The following USP10 variants were observed in gnomAD, a reference collection of about 807,000 sequenced individuals.
The protein encoded by USP10 is ubiquitin carboxyl-terminal hydrolase 10.
Under a neutral mutation model 84.5 loss-of-function variants are expected in USP10, and 22 were observed. That is an observed-to-expected ratio of 0.26 (90% CI 0.19 to 0.37). The LOEUF (loss-of-function observed/expected upper bound fraction) is 0.37. USP10 is among the 10% of genes least tolerant of loss of function. The pLI is 1.00. For synonymous variants in USP10, 454 were observed against 387.6 expected (o/e 1.17, Z -2.01); for missense variants, 1,019 against 998.9 (o/e 1.02, Z -0.27).
intron 10 of USP10, among the ~76,000 whole-genome samples, chr16:84,767,547 G>A (rs923540286): frequency 6.6e-6 from 1 of 152,032 alleles, no homozygotes; most frequent in Admixed American, 6.6e-5. Flanking sequence ...TATTTTATTA[G>A]AACAGGCTAT....
chr16:84,757,657 G>C (rs1396954301), intron 4 of USP10, among the ~76,000 whole-genome samples: 1 of 151,782 alleles, frequency 6.6e-6, no homozygotes, highest in East Asian at 1.9e-4. Context: ...TTTGATTTTT[G>C]TTGGTACATA....
chr16:84,730,841 A>C (rs1367254036), intron 1 of USP10, among the ~76,000 whole-genome samples: 2 of 152,346 alleles, frequency 1.3e-5, no homozygotes, highest in South Asian at 2.1e-4. Flanking sequence ...AAACCTTCCT[A>C]AAGAAAATAC....
chr16:84,718,769 A>G (rs897007290), intron 1 of USP10, among the ~76,000 whole-genome samples: 25 of 151,962 alleles, frequency 1.6e-4, no homozygotes, highest in Middle Eastern at 3.4e-3. Flanking sequence ...AAAACAAAAA[A>G]AAAGTTTTTC....
intron 13 of USP10, 21 bp from the exon 14 acceptor site, chr16:84,778,874 G>T: frequency 6.2e-7 from 1 of 1,606,990 alleles, no homozygotes; most frequent in Non-Finnish European, 8.5e-7. Context: ...TCACTCTGCT[G>T]CCTGCTGGGC....
chr16:84,759,920 T>C lies in USP10; in HGVS notation c.1424T>C (p.Met475Thr), dbSNP rs764185302. The C allele has an allele frequency of 6.8e-6, 11 of 1,613,904 alleles. No individual in the cohort carries two copies. The highest frequency in any genetic ancestry group is 6.7e-5 in the East Asian group (3 of 44,894). Residue 475 changes from methionine to threonine, a missense_variant, in exon 7 of 14, where the codon ATG (methionine) becomes ACG (threonine). By Grantham distance (81) the Met-to-Thr change is moderately conservative (BLOSUM62 -1). This residue lies in a region of USP10 where 787 missense variants were observed against 708.8 expected (regional missense o/e 1.11). Coordinates refer to ENST00000219473, the MANE Select transcript of USP10 (RefSeq NM_005153.3). Reference sequence around the variant, plus strand: ...CGGCTAATGAATGAGTTCACTAATATGCCAGTACCTCCAAAACCCCGACAA... The same window carrying C: ...CGGCTAATGAATGAGTTCACTAATACGCCAGTACCTCCAAAACCCCGACAA... ...FVRLMNEFTN[M>T]PVPPKPRQAL...
intron 1 of USP10, chr16:84,732,507 C>T (rs1308831785): frequency 1.0e-5 from 4 of 382,444 alleles, no homozygotes; most frequent in Non-Finnish European, 1.5e-5. Context: ...GGTGCGGTGG[C>T]GCGATCTCAG....
intron 1 of USP10, among the ~76,000 whole-genome samples, chr16:84,717,678 G>A (rs1907225296): frequency 6.6e-6 from 1 of 152,230 alleles, no homozygotes; most frequent in African/African-American, 2.4e-5. Flanking sequence ...AGTCATCAGG[G>A]CCTGTGCTGG....
At chr16:84,702,628 T>TA (rs1905030201) in intron 1 of USP10, among the ~76,000 whole-genome samples, 1 of 152,204 alleles carries the variant, frequency 6.6e-6, no homozygotes, top group African/African-American at 2.4e-5. Flanking sequence ...TTGAAGGTCT[T>TA]ATTTTAAAAT....
intron 1 of USP10, among the ~76,000 whole-genome samples, chr16:84,722,073 CAG>C (rs958679188): frequency 2.0e-5 from 3 of 152,228 alleles, no homozygotes; most frequent in African/African-American, 7.2e-5. Context: ...TTCCATTGCT[CAG>C]AGAGTTTCTT....
At chr16:84,737,462 CTGA>C (rs1320442107) in intron 2 of USP10, among the ~76,000 whole-genome samples, 7 of 152,326 alleles carry the variant, frequency 4.6e-5, no homozygotes, top group South Asian at 2.1e-4. Context: ...CTAAGTGCAT[CTGA>C]TGTGTGAGGG....
Position 84,759,270 on chromosome 16 carries a change from G to A in USP10, c.1285-93G>A, listed in dbSNP as rs1234655651. 4 of 1,193,030 alleles carry A rather than the reference G, an allele frequency of 3.4e-6. No homozygotes were observed. In the African/African-American group the frequency reaches 6.0e-5, roughly 18 times the overall value. 73.9% of individuals were successfully genotyped at this position (1,193,030 alleles called of 1,614,324 possible). On this transcript the variant is annotated intron_variant, in intron 5 of 13. Coordinates refer to ENST00000219473, the MANE Select transcript of USP10 (RefSeq NM_005153.3). Reference sequence around the variant, plus strand: ...GTAGTTCAACGTCCTTAGCTTCCTTGTGTTTTTATAAACATTCTTGTGCTT... The same window carrying A: ...GTAGTTCAACGTCCTTAGCTTCCTTATGTTTTTATAAACATTCTTGTGCTT...
intron 1 of USP10, chr16:84,709,410 A>T (rs2150758962): frequency 6.6e-6 from 1 of 152,406 alleles, no homozygotes; most frequent in South Asian, 2.1e-4. Context: ...GGGGAGGGAC[A>T]GACGCACCAT....
intron 1 of USP10, among the ~76,000 whole-genome samples, chr16:84,707,178 G>A (rs532169956): frequency 1.6e-4 from 24 of 152,276 alleles, no homozygotes; most frequent in African/African-American, 5.5e-4. Context: ...TGCCAGACTG[G>A]TTTTCTGGAA....
chr16:84,774,914 C>T (rs1408291293), intron 12 of USP10, among the ~76,000 whole-genome samples: 1 of 152,200 alleles, frequency 6.6e-6, no homozygotes, highest in Non-Finnish European at 1.5e-5. Flanking sequence ...CCCACAGGAG[C>T]ATCACAGCCT....
chr16:84,772,901 AAT>A (rs1914605848), intron 12 of USP10, among the ~76,000 whole-genome samples: 1 of 151,880 alleles, frequency 6.6e-6, no homozygotes, highest in Admixed American at 6.5e-5. Context: ...TAAACTCTAT[AAT>A]CTTACTAGAT....
Position 84,779,189 on chromosome 16 carries a change from C to G in USP10, c.*107C>G. The G allele has an allele frequency of 7.3e-7, 1 of 1,373,302 alleles. No homozygotes were observed. The highest frequency in any genetic ancestry group is 2.5e-5 in the East Asian group (1 of 40,506). The allele number at this position is 1,373,302 out of a possible 1,614,324, so 85.1% of individuals were successfully genotyped here. ...CTCTTTAGAGAGAAACTCTTTCTCC[C>G]TTTGCAAAAATGGGCTAGAATGAAA... On this transcript the variant is annotated 3_prime_UTR_variant, in exon 14 of 14. Transcript: ENST00000219473.
Position 84,775,273 on chromosome 16 carries a change from G to A in USP10, c.2209+48G>A, listed in dbSNP as rs182696393. 6.6e-5 allele frequency: 104 copies of A among 1,573,504 alleles called. No individual in the cohort carries two copies. The African/African-American group carries it at 1.2e-3, about 17-fold the overall frequency. On this transcript the variant is annotated intron_variant, in intron 13 of 13. Transcript: ENST00000219473. Reference sequence around the variant, plus strand: ...ACTTCTTCATTAAAACACTGATGAAGGGGTTTACAGCTGGGCACAGGTTTG... The same window carrying A: ...ACTTCTTCATTAAAACACTGATGAAAGGGTTTACAGCTGGGCACAGGTTTG...
intron 1 of USP10, chr16:84,704,695 A>T (rs968568213): frequency 1.4e-6 from 2 of 1,481,332 alleles, no homozygotes; most frequent in African/African-American, 2.8e-5. Context: ...GAATCTTCAG[A>T]TCCTAGATTT....
intron 9 of USP10, 75 bp from the exon 10 acceptor site, chr16:84,764,011 C>A (rs919849021): frequency 8.8e-6 from 13 of 1,480,644 alleles, no homozygotes; most frequent in East Asian, 7.3e-5. Flanking sequence ...AAACTGCAAT[C>A]GACAGATCTG....
Sources: allele counts gnomAD v4.1 joint callset (sites outside exome capture counted in the v4.1 genomes callset), GRCh38; gene constraint gnomAD v4.1.1; regional missense constraint gnomAD v4.1.1; transcripts MANE v1.5; gene names NCBI Gene and HGNC (gene_info 2026-07-23, HGNC 2026-07-21).